Variants in BRD10 observed in about 807,000 individuals in gnomAD.
The protein encoded by BRD10 is bromodomain containing 10.
the BRD10 span, among the ~76,000 whole-genome samples, chr9:5,929,444 TG>T: frequency 7.2e-5 from 11 of 152,280 alleles, no homozygotes; most frequent in East Asian, 1.9e-3. Context: ...ATAAATCATT[TG>T]TTAAATATAT....
chr9:5,925,662 TA>T, the BRD10 span, among the ~76,000 whole-genome samples: 1 of 152,316 alleles, frequency 6.6e-6, no homozygotes, highest in East Asian at 1.9e-4. Context: ...TAATTGTATC[TA>T]AACCTTTCAA....
chr9:5,970,643 C>G, the BRD10 span, among the ~76,000 whole-genome samples: 187 of 152,166 alleles, frequency 1.2e-3, no homozygotes, highest in African/African-American at 4.4e-3. Context: ...AAAGTAAAGA[C>G]AACTCACAGG....
chr9:5,920,919 G>C, the BRD10 span: 1 of 1,613,942 alleles, frequency 6.2e-7, no homozygotes, highest in Non-Finnish European at 8.5e-7. Context: ...GACAAAATAG[G>C]CATAATTCTT....
At chr9:5,960,919 G>A in the BRD10 span, among the ~76,000 whole-genome samples, 1 of 152,164 alleles carries the variant, frequency 6.6e-6, no homozygotes, top group Admixed American at 6.5e-5. Context: ...GATGTTCATG[G>A]TATACTGATA....
At chr9:5,914,410 G>GTTTT in the BRD10 span, among the ~76,000 whole-genome samples, 75 of 75,480 alleles carry the variant, frequency 9.9e-4, 10 homozygotes, top group African/African-American at 3.7e-3. Context: ...AATCCAGATG[G>GTTTT]TTTTTTTTTT....
chr9:5,976,702 A>G, the BRD10 span, among the ~76,000 whole-genome samples: 1 of 152,120 alleles, frequency 6.6e-6, no homozygotes, highest in African/African-American at 2.4e-5. Context: ...AAAGGAAATA[A>G]GATAAAGGAA....
chr9:5,988,627 C>T, the BRD10 span: 1 of 996,402 alleles, frequency 1.0e-6, no homozygotes, highest in Non-Finnish European at 1.5e-6. Context: ...TTAAGAATCC[C>T]TTTTGCTAAA....
At chr9:5,987,477 A>G in the BRD10 span, among the ~76,000 whole-genome samples, 2 of 152,070 alleles carry the variant, frequency 1.3e-5, no homozygotes, top group Non-Finnish European at 2.9e-5. Flanking sequence ...CCTTTCCTAT[A>G]GTAGGAGTAG....
At chr9:5,941,246 T>C in the BRD10 span, among the ~76,000 whole-genome samples, 2 of 152,188 alleles carry the variant, frequency 1.3e-5, no homozygotes, top group Non-Finnish European at 2.9e-5. Context: ...CTTAGCTCTA[T>C]CTTTCAGGAA....
At chr9:5,954,197 G>T in the BRD10 span, 2 of 667,552 alleles carry the variant, frequency 3.0e-6, no homozygotes, top group South Asian at 1.8e-5. Flanking sequence ...GTAACTAACA[G>T]ATGGCTGCTA....
the BRD10 span, among the ~76,000 whole-genome samples, chr9:5,995,435 C>G: frequency 2.3e-4 from 35 of 152,314 alleles, no homozygotes; most frequent in African/African-American, 8.2e-4. Flanking sequence ...ATTTGTATTT[C>G]ATTAATTATC....
chr9:5,949,305 G>C, the BRD10 span, among the ~76,000 whole-genome samples: 2 of 152,076 alleles, frequency 1.3e-5, no homozygotes, highest in Admixed American at 1.3e-4. Flanking sequence ...ATTGCAGTAA[G>C]CCAGGATTGT....
At chr9:5,998,206 C>T in the BRD10 span, among the ~76,000 whole-genome samples, 4 of 152,064 alleles carry the variant, frequency 2.6e-5, no homozygotes, top group Admixed American at 6.5e-5. Context: ...TAGGATTGGC[C>T]TCTTAACAGT....
chr9:5,984,592 T>G, the BRD10 span, among the ~76,000 whole-genome samples: 1 of 152,142 alleles, frequency 6.6e-6, no homozygotes, highest in Non-Finnish European at 1.5e-5. Flanking sequence ...TATCTATGCA[T>G]CTAATAGCAC....
the BRD10 span, among the ~76,000 whole-genome samples, chr9:5,879,117 A>G: frequency 6.6e-6 from 1 of 152,176 alleles, no homozygotes; most frequent in Non-Finnish European, 1.5e-5. Context: ...AAATATTACA[A>G]AGACTTTGCT....
the BRD10 span, among the ~76,000 whole-genome samples, chr9:5,940,005 T>C: frequency 7.9e-5 from 12 of 152,320 alleles, no homozygotes; most frequent in African/African-American, 2.9e-4. Flanking sequence ...TTCTCTAATA[T>C]TCAGTCTAGC....
At chr9:5,880,666 G>A in the BRD10 span, among the ~76,000 whole-genome samples, 6 of 151,296 alleles carry the variant, frequency 4.0e-5, no homozygotes, top group Admixed American at 3.3e-4. Flanking sequence ...GTTTCTACCT[G>A]ATCCCTTTCC....
At chr9:5,940,383 C>T in the BRD10 span, among the ~76,000 whole-genome samples, 2 of 151,926 alleles carry the variant, frequency 1.3e-5, no homozygotes, top group South Asian at 4.2e-4. Flanking sequence ...TTTGTAGAGA[C>T]AGGGTTTCAC....
the BRD10 span, chr9:5,921,776 A>G: frequency 8.1e-6 from 13 of 1,613,964 alleles, no homozygotes; most frequent in African/African-American, 1.3e-5. Flanking sequence ...TGTTGATGGT[A>G]GTAGAGTACT....
Sources: gnomAD v4.1 joint callset for allele counts (sites outside exome capture counted in the v4.1 genomes callset) on GRCh38, gnomAD v4.1.1 for gene constraint, MANE v1.5 for transcripts, NCBI Gene and HGNC (gene_info 2026-07-23, HGNC 2026-07-21) for gene names.